The following WNT5A variants were observed in gnomAD, a reference collection of about 807,000 sequenced individuals.
The protein encoded by WNT5A is protein Wnt-5a.
WNT5A carries 9 observed loss-of-function variants against 42.1 expected under a neutral mutation model. That is an observed-to-expected ratio of 0.21 (90% confidence interval 0.13 to 0.37). WNT5A has a LOEUF of 0.37. WNT5A is among the 10% of genes least tolerant of loss of function. WNT5A has a pLI of 1.00. For missense variants in WNT5A, 426 were observed against 534.0 expected (o/e 0.80, Z 1.99); for synonymous variants, 210 against 210.0 (o/e 1.00, Z 0.00).
In WNT5A at chr3:55,474,514, G is replaced by T. The variant is rs1202998759; in HGVS notation, c.507C>A (p.Arg169=). 17 of 1,562,276 alleles carry T rather than the reference G, an allele frequency of 1.1e-5. No homozygotes were observed. Among genetic ancestry groups the T allele is most frequent in the Non-Finnish European group, 1.4e-5 (16 of 1,157,246 alleles). The change falls in exon 4 of 5, where the codon CGC becomes CGA. Residue 169 remains arginine (R), a synonymous_variant. Transcript: ENST00000264634. ...LSTCGCSRAA[R]PKDLPRDWLW... is the part of the protein sequence containing the mutation. ...GCCAGTCCCGCGGCAGGTCCTTGGG[G>T]CGCGCGGCGCGGCTGCAGCCGCAGG...
intron 1 of WNT5A, among the ~76,000 whole-genome samples, chr3:55,485,873 T>TG (rs1054631787): frequency 4.5e-4 from 69 of 152,204 alleles, no homozygotes; most frequent in African/African-American, 1.6e-3. Flanking sequence ...TTTAACTTTT[T>TG]GGGGGGAAGA....
chr3:55,496,517 G>A, the WNT5A span, among the ~76,000 whole-genome samples: 4 of 152,080 alleles, frequency 2.6e-5, no homozygotes, highest in African/African-American at 4.8e-5. Flanking sequence ...TACCTATTCC[G>A]GCAGGTACAT....
chr3:55,475,777 C>T (rs2051346431), intron 3 of WNT5A, among the ~76,000 whole-genome samples: 1 of 152,130 alleles, frequency 6.6e-6, no homozygotes. Flanking sequence ...TACAGGGACC[C>T]TATTTGTAAG....
chr3:55,498,190 C>T, the WNT5A span, among the ~76,000 whole-genome samples: 24,600 of 152,144 alleles, frequency 0.16, 2,183 homozygotes, highest in Non-Finnish European at 0.19. Context: ...CGTCACTGTT[C>T]ATCATGGAGT....
At chr3:55,491,666 TG>T (rs1338579999), upstream of WNT5A, among the ~76,000 whole-genome samples, 3 of 152,188 alleles carry the variant, frequency 2.0e-5, no homozygotes, top group Non-Finnish European at 4.4e-5. Flanking sequence ...CCTGGGTTTA[TG>T]GTGGTGTTTT....
chr3:55,501,549 G>A, the WNT5A span: 5 of 152,284 alleles, frequency 3.3e-5, no homozygotes, highest in Non-Finnish European at 7.4e-5. Context: ...GAGAAAAGAT[G>A]AACATAAATG....
At chr3:55,492,820 A>G (rs963016773), upstream of WNT5A, among the ~76,000 whole-genome samples, 7 of 152,206 alleles carry the variant, frequency 4.6e-5, no homozygotes, top group Non-Finnish European at 2.9e-5. Context: ...TCGTATTATT[A>G]TCTGCATTGT....
rs1204364605 is a variant in WNT5A at position 55,483,022 on chromosome 3, G to A, written c.7-2104C>T. On this transcript the variant is annotated intron_variant, in intron 1 of 4. Coordinates refer to ENST00000264634, the MANE Select transcript of WNT5A (RefSeq NM_003392.7). The surrounding 1 kb of genome is among the most constrained non-coding windows in gnomAD (Gnocchi z 4.2). The stretch of plus-strand genomic sequence containing the variant: ...GCACTTTCCAAGCTTCGCGGCGAGC[G>A]GGGCGCGTGGGGCGGGGCTCAAGCA... 1.3e-5 allele frequency among the ~76,000 whole-genome samples: 2 copies of A among 152,228 alleles called. No individual in the cohort carries two copies. The highest frequency in any genetic ancestry group is 4.8e-5 in the African/African-American group (2 of 41,468).
Position 55,469,988 on chromosome 3 carries a change from T to TG in WNT5A, c.*103dup. Reference sequence around the variant, plus strand: ...AAAAAATGGTTCCGGTTGCAATTCTTGGGGAAAAATAAAAAATATTTCTAA... The same window carrying TG: ...AAAAAATGGTTCCGGTTGCAATTCTTGGGGGAAAAATAAAAAATATTTCTAA... On this transcript the variant is annotated 3_prime_UTR_variant, in exon 5 of 5. Transcript: ENST00000264634. The TG allele has an allele frequency of 7.0e-7, 1 of 1,429,966 alleles. No homozygotes were observed. Among genetic ancestry groups the TG allele is most frequent in the Admixed American group, 2.0e-5 (1 of 51,228 alleles). The allele number at this position is 1,429,966 out of a possible 1,614,324, so 88.6% of individuals were successfully genotyped here.
rs1313811019 is a variant in WNT5A at position 55,474,659 on chromosome 3, G to C, written c.392-30C>G. 6.6e-6 allele frequency: 9 copies of C among 1,354,898 alleles called. No individual in the cohort carries two copies. The South Asian group carries it at 1.6e-4, about 24-fold the overall frequency. 83.9% of individuals were successfully genotyped at this position (1,354,898 alleles called of 1,614,324 possible). A position where few individuals can be genotyped will look rare whatever the true frequency, so the allele number is the denominator to read the frequency against. On this transcript the variant is annotated intron_variant, in intron 3 of 4. Transcript: ENST00000264634. Reference sequence around the variant, plus strand: ...GGGTGAGGACAAGGGATCACTGGCCGCCTGCCTCACGCGCTGGGCCGGGAT... The same window carrying C: ...GGGTGAGGACAAGGGATCACTGGCCCCCTGCCTCACGCGCTGGGCCGGGAT...
the WNT5A span, among the ~76,000 whole-genome samples, chr3:55,504,419 A>T: frequency 2.0e-5 from 3 of 152,006 alleles, no homozygotes; most frequent in Non-Finnish European, 4.4e-5. Context: ...AACCCCTGTG[A>T]TGTGAAACTG....
intron 1 of WNT5A, among the ~76,000 whole-genome samples, chr3:55,481,643 T>C (rs1214831915): frequency 1.3e-5 from 2 of 152,136 alleles, no homozygotes; most frequent in Admixed American, 1.3e-4. Flanking sequence ...TTAAGGACGT[T>C]CTTCAGCCAG....
the WNT5A span, among the ~76,000 whole-genome samples, chr3:55,499,997 T>G: frequency 2.1e-5 from 3 of 142,766 alleles, no homozygotes; most frequent in Admixed American, 1.4e-4. Flanking sequence ...AAAAAAAAAT[T>G]AAATTAAATT....
upstream of WNT5A, among the ~76,000 whole-genome samples, chr3:55,489,444 C>T (rs185373109): frequency 2.3e-3 from 351 of 152,218 alleles, no homozygotes; most frequent in Admixed American, 3.9e-3. Context: ...CACCTCCACC[C>T]CCACACCCCA....
chr3:55,481,274 C>T lies in WNT5A; in HGVS notation c.7-356G>A, dbSNP rs1485057927. The T allele has an allele frequency of 1.1e-5, 11 of 992,754 alleles. No homozygotes were observed. The South Asian group carries it at 5.2e-4, about 46-fold the overall frequency. 61.5% of individuals were successfully genotyped at this position (992,754 alleles called of 1,614,324 possible). On this transcript the variant is annotated intron_variant, in intron 1 of 4. Transcript: ENST00000264634. ...CCTCTAGTTGGTGCTGTGCTCAGTCCCTCCTGGGTAATTCACTCAGGAACC... is the reference window on the plus strand; with the variant it reads ...CCTCTAGTTGGTGCTGTGCTCAGTCTCTCCTGGGTAATTCACTCAGGAACC...
chr3:55,469,572 G>C lies in WNT5A; in HGVS notation c.*520C>G, dbSNP rs2051206807. 2 of 152,738 alleles carry C rather than the reference G, an allele frequency of 1.3e-5. No individual in the cohort carries two copies. The highest frequency in any genetic ancestry group is 1.3e-4 in the Admixed American group (2 of 15,346). The allele number at this position is 152,738 out of a possible 1,614,324, so 9.5% of individuals were successfully genotyped here. The stretch of plus-strand genomic sequence containing the variant: ...ATGCAGAAAGCAAGCTAGCAGCCCT[G>C]CTGGGGAAGGGAGGTTTGTTTTGTT... On this transcript the variant is annotated 3_prime_UTR_variant, in exon 5 of 5. Transcript: ENST00000264634.
rs766645570 is a variant in WNT5A at position 55,479,571 on chromosome 3, G to A, written c.141-7C>T. 6 of 1,570,780 alleles carry A rather than the reference G, an allele frequency of 3.8e-6. No individual in the cohort carries two copies. The highest frequency in any genetic ancestry group is 1.4e-5 in the African/African-American group (1 of 73,780). On this transcript the variant is annotated splice_polypyrimidine_tract_variant and splice_region_variant and intron_variant, in intron 2 of 4. Transcript: ENST00000264634. ...GTTATTCATACCTAGCGACCTGCAA[G>A]GGGGGGAGATGTGCATTCAAGATTT... is the stretch of plus-strand genomic sequence containing the variant.
chr3:55,481,963 TTCCCTTGG>T (rs1410660235), intron 1 of WNT5A, among the ~76,000 whole-genome samples: 12 of 152,222 alleles, frequency 7.9e-5, no homozygotes, highest in Non-Finnish European at 1.5e-4. Context: ...AGACTCCAGT[TTCCCTTGG>T]TCCTGATCTG....
At chr3:55,475,259 ATATTAAG>A (rs1442581538) in intron 3 of WNT5A, among the ~76,000 whole-genome samples, 1 of 152,188 alleles carries the variant, frequency 6.6e-6, no homozygotes, top group Non-Finnish European at 1.5e-5. Flanking sequence ...ACTTATTTTA[ATATTAAG>A]TATTATTTTC....
Sources: gnomAD v4.1 joint callset for allele counts (sites outside exome capture counted in the v4.1 genomes callset) on GRCh38, gnomAD v4.1.1 for gene constraint, Gnocchi (gnomAD v3.1) non-coding constraint, MANE v1.5 for transcripts, NCBI Gene and HGNC (gene_info 2026-07-23, HGNC 2026-07-21) for gene names.